SIL1: variants seen among roughly 807,000 people sequenced by gnomAD.
SIL1 encodes SIL1 nucleotide exchange factor.
A neutral mutation model predicts 49.1 loss-of-function variants in SIL1; 40 were observed. The observed-to-expected ratio is 0.81, with a 90% CI of 0.63 to 1.06. SIL1 has a LOEUF of 1.06. SIL1 is among the 50% of genes least tolerant of loss of function. The pLI, the probability that SIL1 is intolerant of heterozygous loss-of-function variation, is 0.00. For synonymous variants in SIL1, 253 were observed against 250.8 expected, an observed-to-expected ratio of 1.01 and a Z score of -0.08; for missense variants, 500 against 572.6, an observed-to-expected ratio of 0.87 and a Z score of 1.29.
intron 7 of SIL1, among the ~76,000 whole-genome samples, chr5:139,009,669 ATC>A: frequency 6.7e-6 from 1 of 148,996 alleles, no homozygotes; most frequent in Non-Finnish European, 1.5e-5. Flanking sequence ...TGGTGACAAA[ATC>A]TCTCAGCATT....
intron 5 of SIL1, among the ~76,000 whole-genome samples, chr5:139,027,373 C>A (rs569062111): frequency 3.2e-4 from 49 of 152,328 alleles, no homozygotes; most frequent in Admixed American, 4.6e-4. Context: ...AACCCACACC[C>A]TACTTCTCCA....
chr5:139,094,770 A>C (rs1025011387), intron 3 of SIL1, among the ~76,000 whole-genome samples: 8 of 152,204 alleles, frequency 5.3e-5, no homozygotes, highest in Non-Finnish European at 1.2e-4. Context: ...TTTATGTTTC[A>C]CTAGTTTTTC....
chr5:139,123,167 GCCTGGTGCCTCAAACCCCTCCTATC>G (rs1414395485), intron 2 of SIL1, among the ~76,000 whole-genome samples: 3 of 152,154 alleles, frequency 2.0e-5, no homozygotes, highest in Admixed American at 6.5e-5. Flanking sequence ...CACCTGCGCA[GCCTGGTGCCTCAAACCCCTCCTATC>G]CCTTCAACTT....
At chr5:139,112,089 C>T (rs1473248485) in intron 3 of SIL1, among the ~76,000 whole-genome samples, 2 of 152,232 alleles carry the variant, frequency 1.3e-5, no homozygotes, top group African/African-American at 2.4e-5. Flanking sequence ...GCGAGTGATC[C>T]GCCAGCCTCG....
At chr5:138,964,369 AG>A (rs1045195980) in intron 7 of SIL1, among the ~76,000 whole-genome samples, 1 of 152,210 alleles carries the variant, frequency 6.6e-6, no homozygotes, top group Non-Finnish European at 1.5e-5. Flanking sequence ...ACTGGGTGCA[AG>A]GGTTGTCTGA....
At chr5:139,084,776 G>C (rs1437975613) in intron 3 of SIL1, among the ~76,000 whole-genome samples, 1 of 149,450 alleles carries the variant, frequency 6.7e-6, no homozygotes, top group Non-Finnish European at 1.5e-5. Context: ...CTAAAACTTA[G>C]AGTATAATAA....
At chr5:139,016,496 G>A (rs565986115) in intron 7 of SIL1, among the ~76,000 whole-genome samples, 2 of 152,210 alleles carry the variant, frequency 1.3e-5, no homozygotes, top group African/African-American at 4.8e-5. Flanking sequence ...TGAAAAGAGA[G>A]AAGGAGGACA....
chr5:138,983,436 C>T (rs573259065), intron 7 of SIL1, among the ~76,000 whole-genome samples: 4 of 146,478 alleles, frequency 2.7e-5, no homozygotes, highest in Admixed American at 1.4e-4. Flanking sequence ...TGAACCCGGG[C>T]GGAGGAGCTT....
At chr5:139,042,530 G>C (rs919936706) in intron 5 of SIL1, 90 bp downstream of exon 5, 7 of 1,062,488 alleles carry the variant, frequency 6.6e-6, no homozygotes, top group African/African-American at 1.6e-5. Context: ...CATGTTTATT[G>C]CAAGAGTTCC....
At chr5:139,003,170 G>C (rs1039932735) in intron 7 of SIL1, among the ~76,000 whole-genome samples, 1 of 152,092 alleles carries the variant, frequency 6.6e-6, no homozygotes, top group Non-Finnish European at 1.5e-5. Flanking sequence ...CAAGATCCAA[G>C]ATAGAGCTTC....
At chr5:139,052,658 T>C (rs1769315480) in intron 3 of SIL1, among the ~76,000 whole-genome samples, 1 of 151,968 alleles carries the variant, frequency 6.6e-6, no homozygotes, top group South Asian at 2.1e-4. Context: ...CACTCCAGCC[T>C]GGGCAACAGT....
At chr5:138,977,085 T>C (rs1279314126) in intron 7 of SIL1, among the ~76,000 whole-genome samples, 2 of 152,178 alleles carry the variant, frequency 1.3e-5, no homozygotes, top group East Asian at 1.9e-4. Context: ...TGCTGCTAGC[T>C]GGTGGAAGTG....
chr5:139,126,875 C>G (rs1450946581), intron 2 of SIL1, among the ~76,000 whole-genome samples: 1 of 152,162 alleles, frequency 6.6e-6, no homozygotes, highest in Non-Finnish European at 1.5e-5. Context: ...GCGCTTTATC[C>G]AACATTTAGT....
chr5:139,045,372 A>C (rs1463546459), intron 4 of SIL1, among the ~76,000 whole-genome samples: 1 of 151,306 alleles, frequency 6.6e-6, no homozygotes, highest in Non-Finnish European at 1.5e-5. Flanking sequence ...AACAAAAAAA[A>C]CCTCCTTTCC....
intron 3 of SIL1, among the ~76,000 whole-genome samples, chr5:139,090,168 C>T (rs1271394819): frequency 6.6e-6 from 1 of 152,176 alleles, no homozygotes; most frequent in Admixed American, 6.5e-5. Flanking sequence ...CACTCCTCCC[C>T]TCCTGAGATT....
At chr5:139,155,855 G>A (rs1481693316) in intron 1 of SIL1, among the ~76,000 whole-genome samples, 1 of 148,524 alleles carries the variant, frequency 6.7e-6, no homozygotes, top group Non-Finnish European at 1.5e-5. Flanking sequence ...TTTTTTTTAA[G>A]ACAGTCTTGC....
chr5:138,995,157 C>T (rs1279809843), intron 7 of SIL1, among the ~76,000 whole-genome samples: 1 of 151,962 alleles, frequency 6.6e-6, no homozygotes, highest in African/African-American at 2.4e-5. Context: ...TGAACATAGG[C>T]ATGCATGGGA....
chr5:139,135,933 G>A (rs1245948817), intron 1 of SIL1, among the ~76,000 whole-genome samples: 2 of 152,008 alleles, frequency 1.3e-5, no homozygotes, highest in East Asian at 1.9e-4. Context: ...CGGGTGTCAT[G>A]GTGCACGCCT....
At chr5:138,981,174 C>T (rs545879585) in intron 7 of SIL1, among the ~76,000 whole-genome samples, 1 of 147,634 alleles carries the variant, frequency 6.8e-6, no homozygotes, top group African/African-American at 2.5e-5. Flanking sequence ...GATCACGTCA[C>T]TGCCCTCTAG....
Sources: allele counts gnomAD v4.1 joint callset (sites outside exome capture counted in the v4.1 genomes callset), GRCh38; gene constraint gnomAD v4.1.1; transcripts MANE v1.5; gene names NCBI Gene and HGNC (gene_info 2026-07-23, HGNC 2026-07-21).